Variants in CCND2 observed in about 807,000 individuals in gnomAD.
The protein encoded by CCND2 is cyclin D2, also known as G1/S-specific cyclin-D2.
CCND2 carries 6 observed loss-of-function variants against 30.2 expected under a neutral mutation model. The ratio of observed to expected loss-of-function variants is 0.20; its 90% CI spans 0.11 to 0.39. The LOEUF is 0.39. CCND2 is among the 10% of genes least tolerant of loss of function. The pLI is 1.00. For missense variants in CCND2, 235 were observed against 373.4 expected, an observed-to-expected ratio of 0.63 and a Z score of 3.06; for synonymous variants, 150 against 153.1, an observed-to-expected ratio of 0.98 and a Z score of 0.15.
rs1864228290 is a variant in CCND2 at position 4,300,119 on chromosome 12, G to GC, written c.*115dup. ...GGGTGAAACTTAAAAAAAAAATTCTGCCCCCACCTAGATCATATTTAAAGA... is the reference window on the plus strand; with the variant it reads ...GGGTGAAACTTAAAAAAAAAATTCTGCCCCCCACCTAGATCATATTTAAAGA... On this transcript the variant is annotated 3_prime_UTR_variant, in exon 5 of 5. Coordinates refer to ENST00000261254, the MANE Select transcript of CCND2 (RefSeq NM_001759.4). 1 of 1,090,344 alleles carries GC rather than the reference G, an allele frequency of 9.2e-7. No individual in the cohort carries two copies. The highest frequency in any genetic ancestry group is 1.6e-5 in the African/African-American group (1 of 63,092). The allele number at this position is 1,090,344 out of a possible 1,614,324, so 67.5% of individuals were successfully genotyped here.
At chr12:4,295,552 G>A (rs748467574) in intron 4 of CCND2, among the ~76,000 whole-genome samples, 6 of 152,182 alleles carry the variant, frequency 3.9e-5, no homozygotes, top group Non-Finnish European at 7.3e-5. Context: ...CAAGGCGGGT[G>A]GATCATCTGA....
chr12:4,290,509 C>T (rs918186944), intron 4 of CCND2, among the ~76,000 whole-genome samples: 1 of 152,202 alleles, frequency 6.6e-6, no homozygotes, highest in Non-Finnish European at 1.5e-5. Flanking sequence ...ATAGGACTCT[C>T]AGCCAGTTTA....
chr12:4,302,326 T>C lies in CCND2; in HGVS notation c.*2317T>C. On this transcript the variant is annotated 3_prime_UTR_variant, in exon 5 of 5. Transcript: ENST00000261254. ...ATGCGGTAGGCTCAGATGTCGTAAT[T>C]TGCACTTAGGTACCAGGTGTCAGGA... 1 of 233,096 alleles carries C rather than the reference T, an allele frequency of 4.3e-6. No individual in the cohort carries two copies. Among genetic ancestry groups the C allele is most frequent in the Non-Finnish European group, 8.5e-6 (1 of 117,952 alleles). The allele number at this position is 233,096 out of a possible 1,614,324, so 14.4% of individuals were successfully genotyped here.
chr12:4,303,009 C>A lies in CCND2; in HGVS notation c.*3000C>A, dbSNP rs533138268. ...TGGGGAAAGCGGGAACCCTGGAGTT[C>A]TTGGGAATCTTGGAGCCTAAAGAGA... On this transcript the variant is annotated 3_prime_UTR_variant, in exon 5 of 5. Coordinates refer to ENST00000261254, the MANE Select transcript of CCND2 (RefSeq NM_001759.4). This position sits in a 1 kb window ranked among gnomAD's most constrained non-coding sequence, Gnocchi z 4.6. 4.3e-6 allele frequency: 1 copy of A among 233,286 alleles called. No homozygotes were observed. Among genetic ancestry groups the A allele is most frequent in the East Asian group, 6.0e-5 (1 of 16,602 alleles). The allele number at this position is 233,286 out of a possible 1,614,324, so 14.5% of individuals were successfully genotyped here.
rs74444255 is a variant in CCND2 at position 4,278,583 on chromosome 12, C to A, written c.412-177C>A. ...CCTGACATTTGAAGCATAAGAAGAG[C>A]TGTCAACAACTTCAAAGCTTCAGGG... On this transcript the variant is annotated intron_variant, in intron 2 of 4. Coordinates refer to ENST00000261254, the MANE Select transcript of CCND2 (RefSeq NM_001759.4). The A allele has an allele frequency of 1.6e-3, 852 of 517,976 alleles. 15 individuals are homozygous for A. The East Asian group carries it at 0.024, about 15-fold the overall frequency. 32.1% of individuals were successfully genotyped at this position (517,976 alleles called of 1,614,324 possible). A position where few individuals can be genotyped will look rare whatever the true frequency, so the allele number is the denominator to read the frequency against.
At chr12:4,298,683 A>G (rs1188720112) in intron 4 of CCND2, among the ~76,000 whole-genome samples, 4 of 152,248 alleles carry the variant, frequency 2.6e-5, no homozygotes, top group Non-Finnish European at 4.4e-5. Context: ...AGGGAGGTTC[A>G]ATTTAACATA....
At position 4,273,854 on chromosome 12, in the gene CCND2, A is replaced by G. The variant is rs917623868; in HGVS notation, c.-187A>G. ...AGCCCCGAGGCTCTGCTCGCCCACC[A>G]CCCAATCCTCGCCTCCCTTCTGCTC... is the stretch of plus-strand genomic sequence containing the variant. On this transcript the variant is annotated 5_prime_UTR_variant, in exon 1 of 5. Transcript: ENST00000261254. The surrounding 1 kb of genome is among the most constrained non-coding windows in gnomAD (Gnocchi z 5.9). 1.1e-5 allele frequency: 7 copies of G among 630,830 alleles called. No individual in the cohort carries two copies. Among genetic ancestry groups the G allele is most frequent in the South Asian group, 1.9e-5 (1 of 51,464 alleles). The allele number at this position is 630,830 out of a possible 1,614,324, so 39.1% of individuals were successfully genotyped here.
At position 4,274,633 on chromosome 12, in the gene CCND2, C is replaced by A. The variant is rs572013812; in HGVS notation, c.195+398C>A. On this transcript the variant is annotated intron_variant, in intron 1 of 4. Transcript: ENST00000261254. The surrounding 1 kb of genome is among the most constrained non-coding windows in gnomAD (Gnocchi z 7.7). ...ACCCCGAGTAGAAAGGCAACCCCCC[C>A]CAAAAGGCCAGAGCAAATTCGTCTT... is the stretch of plus-strand genomic sequence containing the variant. Among the ~76,000 whole-genome samples, 3 of 152,288 alleles carry A rather than the reference C, an allele frequency of 2.0e-5. No homozygotes were observed. The highest frequency in any genetic ancestry group is 4.4e-5 in the Non-Finnish European group (3 of 68,016).
At chr12:4,283,338 C>G (rs978573924) in intron 3 of CCND2, among the ~76,000 whole-genome samples, 1 of 152,198 alleles carries the variant, frequency 6.6e-6, no homozygotes. Context: ...AGAGCGCCAC[C>G]TTTGGGGCTC....
chr12:4,287,470 G>A lies in CCND2; in HGVS notation c.572-1372G>A, dbSNP rs1864039736. Among the ~76,000 whole-genome samples the A allele has an allele frequency of 6.6e-6, 1 of 152,080 alleles. No homozygotes were observed. The highest frequency in any genetic ancestry group is 2.1e-4 in the South Asian group (1 of 4,832). ...CGGTTCCCTGTATGCTGTGTCTCCT[G>A]CCCCCACGTGCCCCTTCCATGTCTA... On this transcript the variant is annotated intron_variant, in intron 3 of 4. Transcript: ENST00000261254. The surrounding 1 kb of genome is among the most constrained non-coding windows in gnomAD (Gnocchi z 4.0).
chr12:4,283,115 C>T (rs1863972739), intron 3 of CCND2, among the ~76,000 whole-genome samples: 1 of 152,230 alleles, frequency 6.6e-6, no homozygotes, highest in Non-Finnish European at 1.5e-5. Flanking sequence ...TGGTTTTAAA[C>T]TTACTTAGCT....
intron 4 of CCND2, among the ~76,000 whole-genome samples, chr12:4,292,556 C>T (rs1286299384): frequency 6.6e-6 from 1 of 152,026 alleles, no homozygotes; most frequent in Non-Finnish European, 1.5e-5. Context: ...ATATGAGGGA[C>T]GCATGCGGCT....
At position 4,299,988 on chromosome 12, in the gene CCND2, C is replaced by T. The variant is rs753148745; in HGVS notation, c.849C>T (p.Asp283=). The change falls in exon 5 of 5, where the codon GAC becomes GAT. Residue 283 remains aspartate (D), a synonymous_variant. Transcript: ENST00000261254. This position sits in a 1 kb window ranked among gnomAD's most constrained non-coding sequence, Gnocchi z 5.2. ...DELDQASTPT[D]VRDIDL ...TGGACCAAGCCAGCACCCCTACAGA[C>T]GTGCGGGATATCGACCTGTGAGGAT... 9.3e-6 allele frequency: 15 copies of T among 1,613,880 alleles called. No homozygotes were observed. Among genetic ancestry groups the T allele is most frequent in the Admixed American group, 6.7e-5 (4 of 59,996 alleles).
intron 4 of CCND2, among the ~76,000 whole-genome samples, chr12:4,298,737 C>T (rs967363940): frequency 3.9e-5 from 6 of 152,212 alleles, no homozygotes; most frequent in South Asian, 2.1e-4. Flanking sequence ...ACAAAGGCAC[C>T]TTTGCAGAGG....
rs3217918 is a variant in CCND2 at position 4,299,750 on chromosome 12, A to G, written c.721-110A>G. 7 of 1,067,072 alleles carry G rather than the reference A, an allele frequency of 6.6e-6. No homozygotes were observed. The East Asian group carries it at 1.2e-4, about 19-fold the overall frequency. 66.1% of individuals were successfully genotyped at this position (1,067,072 alleles called of 1,614,324 possible). The stretch of plus-strand genomic sequence containing the variant: ...CCTCCTTTACTTCACATTTATTTCT[A>G]CTGGAAACTAGCACAGACTTATGCA... On this transcript the variant is annotated intron_variant, in intron 4 of 4. Transcript: ENST00000261254. The surrounding 1 kb of genome is among the most constrained non-coding windows in gnomAD (Gnocchi z 5.2).
chr12:4,297,163 A>G (rs1186741012), intron 4 of CCND2, among the ~76,000 whole-genome samples: 2 of 25,118 alleles, frequency 8.0e-5, no homozygotes, highest in East Asian at 1.6e-3. Context: ...GACCGTTGTC[A>G]CTTTGTGCCT....
At chr12:4,281,442 A>G (rs550068420) in intron 3 of CCND2, among the ~76,000 whole-genome samples, 2 of 152,338 alleles carry the variant, frequency 1.3e-5, no homozygotes, top group East Asian at 3.9e-4. Flanking sequence ...GACTCTGGCC[A>G]GTAGCGGGCA....
chr12:4,292,883 C>T (rs1757837860), intron 4 of CCND2, among the ~76,000 whole-genome samples: 1 of 152,148 alleles, frequency 6.6e-6, no homozygotes, highest in South Asian at 2.1e-4. Context: ...CCTCTTCCAT[C>T]CCCTCTGCAC....
At position 4,293,193 on chromosome 12, in the gene CCND2, TTAGAG is replaced by T. The variant is rs1370597025; in HGVS notation, c.720+4207_720+4211del. On this transcript the variant is annotated intron_variant, in intron 4 of 4. Transcript: ENST00000261254. The surrounding 1 kb of genome is among the most constrained non-coding windows in gnomAD (Gnocchi z 4.9). ...CTTCTGAGTTTTCCCCAACCTTATC[TTAGAG>T]TAGGTTAAATGAAGTGGCTTCATTT... Among the ~76,000 whole-genome samples, 1 of 152,182 alleles carries T rather than the reference TTAGAG, an allele frequency of 6.6e-6. No homozygotes were observed. The highest frequency in any genetic ancestry group is 2.4e-5 in the African/African-American group (1 of 41,432).
Sources: allele counts gnomAD v4.1 joint callset (sites outside exome capture counted in the v4.1 genomes callset), GRCh38; gene constraint gnomAD v4.1.1; non-coding constraint Gnocchi (gnomAD v3.1); transcripts MANE v1.5; gene names NCBI Gene and HGNC (gene_info 2026-07-23, HGNC 2026-07-21).